The following ZNF765 variants were observed in gnomAD, a reference collection of about 807,000 sequenced individuals.
The protein encoded by ZNF765 is zinc finger protein 765.
A neutral mutation model predicts 44.7 loss-of-function variants in ZNF765; 37 were observed. The ratio of observed to expected loss-of-function variants is 0.83; its 90% CI spans 0.64 to 1.09. The LOEUF (loss-of-function observed/expected upper bound fraction) is 1.09. Ranked by LOEUF, ZNF765 falls within the 50% of genes least tolerant of loss-of-function variation. ZNF765 has a pLI of 0.00. For missense variants in ZNF765, 594 were observed against 626.1 expected (o/e 0.95, Z 0.55); for synonymous variants, 201 against 213.7 (o/e 0.94, Z 0.52).
rs199957795 is a variant in ZNF765, at chr19:53,407,929, G to A, written c.374G>A (p.Arg125Gln). Residue 125 changes from arginine to glutamine, a missense_variant, in exon 4 of 4, where the codon CGA becomes CAA. By Grantham distance (43) the Arg-to-Gln change is conservative. Around this residue, in one of 2 missense-constraint regions of ZNF765, gnomAD observed 567 missense variants for 572.6 expected, o/e 0.99. Transcript: ENST00000396408. ...KIKKLTGSTE[R>Q]YDQNYAGNKP... ...AAAAAGTTGACAGGTAGTACAGAGC[G>A]ATATGATCAAAATTATGCTGGAAAC... is the stretch of plus-strand genomic sequence containing the variant. 1,094 of 1,614,124 alleles carry A rather than the reference G, an allele frequency of 6.8e-4. 1 individual carries two copies. The highest frequency in any genetic ancestry group is 8.2e-4 in the Non-Finnish European group (971 of 1,180,016).
rs6509753 is a variant in ZNF765, at chr19:53,410,302, C to G, written c.*1175C>G. ...AGTTTACAGTCGCAAATCAAGCCTC[C>G]AAAGACAGGAGAATTCATACTGGAG... On this transcript the variant is annotated 3_prime_UTR_variant, in exon 4 of 4. Transcript: ENST00000396408. The G allele has an allele frequency of 0.83, 296,755 of 355,414 alleles. 124,721 individuals carry two copies. Among genetic ancestry groups the G allele is most frequent in the Admixed American group, 0.88 (21,622 of 24,596 alleles). 22.0% of individuals were successfully genotyped at this position (355,414 alleles called of 1,614,324 possible).
intron 2 of ZNF765, among the ~76,000 whole-genome samples, chr19:53,400,836 AT>A (rs1318476160): frequency 4.8e-5 from 7 of 146,502 alleles, no homozygotes; most frequent in African/African-American, 1.8e-4. Context: ...GTTTTCATAT[AT>A]TTTCTTTTGT....
At chr19:53,422,239 TG>T (rs1269849700) in intron 3 of ZNF765, among the ~76,000 whole-genome samples, 1 of 152,218 alleles carries the variant, frequency 6.6e-6, no homozygotes, top group Non-Finnish European at 1.5e-5. Flanking sequence ...CCCCGCTAAC[TG>T]GCTTTGACAG....
intron 3 of ZNF765, among the ~76,000 whole-genome samples, chr19:53,403,653 G>T (rs2085749041): frequency 6.6e-6 from 1 of 152,158 alleles, no homozygotes; most frequent in Non-Finnish European, 1.5e-5. Context: ...AAACCAGCCT[G>T]CCTAACATGG....
chr19:53,415,685 C>G (rs898032211), downstream of ZNF765, among the ~76,000 whole-genome samples: 1 of 152,170 alleles, frequency 6.6e-6, no homozygotes, highest in African/African-American at 2.4e-5. Flanking sequence ...TCTGTCTAGT[C>G]TCACCAGGCC....
intron 3 of ZNF765, among the ~76,000 whole-genome samples, chr19:53,418,262 G>A (rs931496023): frequency 5.9e-5 from 9 of 151,982 alleles, no homozygotes; most frequent in African/African-American, 2.2e-4. Context: ...TTAGCCGGGC[G>A]TGGTGGCGGG....
chr19:53,413,404 C>G, downstream of ZNF765: 1 of 502,838 alleles, frequency 2.0e-6, no homozygotes, highest in Non-Finnish European at 3.8e-6. Flanking sequence ...AATCATGTTA[C>G]CATATCAAGC....
chr19:53,397,490 C>G (rs372342627), intron 1 of ZNF765, among the ~76,000 whole-genome samples: 1 of 152,206 alleles, frequency 6.6e-6, no homozygotes, highest in African/African-American at 2.4e-5. Context: ...CCTCACACCT[C>G]AGCCTCCTAA....
intron 2 of ZNF765, among the ~76,000 whole-genome samples, chr19:53,401,709 C>A (rs1379813641): frequency 6.6e-6 from 1 of 152,124 alleles, no homozygotes; most frequent in Non-Finnish European, 1.5e-5. Context: ...AACCCCGTTT[C>A]TGCTAAAAAT....
At chr19:53,395,641 G>C (rs62117271) in intron 1 of ZNF765, among the ~76,000 whole-genome samples, 29,405 of 152,206 alleles carry the variant, frequency 0.19, 2,955 homozygotes, top group Middle Eastern at 0.27. Context: ...AAGGCGCCGT[G>C]GCGCCGCCGC....
In ZNF765 at chr19:53,402,211, T is replaced by TGGGG. The variant is rs2147091758; in HGVS notation, c.142+21_142+24dup. ...CCCTGGGTGAGGATGACTTCCCTCC[T>TGGGG]GGGGATGTGCCCTTGCGTATCTTTG... On this transcript the variant is annotated intron_variant, in intron 3 of 3. Transcript: ENST00000396408. 6.3e-7 allele frequency: 1 copy of TGGGG among 1,598,766 alleles called. No homozygotes were observed. Among genetic ancestry groups the TGGGG allele is most frequent in the East Asian group, 2.3e-5 (1 of 43,706 alleles).
chr19:53,407,056 G>A (rs550187716), intron 3 of ZNF765, among the ~76,000 whole-genome samples: 1 of 152,014 alleles, frequency 6.6e-6, no homozygotes, highest in Non-Finnish European at 1.5e-5. Context: ...TTGTCACCCA[G>A]GCTGAAGTAC....
In ZNF765 at chr19:53,410,042, A is replaced by C; in HGVS notation, c.*915A>C. 4.1e-6 allele frequency: 2 copies of C among 482,564 alleles called. No individual in the cohort carries two copies. Among genetic ancestry groups the C allele is most frequent in the South Asian group, 3.2e-5 (2 of 63,358 alleles). The allele number at this position is 482,564 out of a possible 1,614,324, so 29.9% of individuals were successfully genotyped here. A position where few individuals can be genotyped will look rare whatever the true frequency, so the allele number is the denominator to read the frequency against. ...AATAAATGCAGAAAATTTTTCAGAC[A>C]TCCTTCATACCTTTGCAGTTCATGG... On this transcript the variant is annotated 3_prime_UTR_variant, in exon 4 of 4. Coordinates refer to ENST00000396408, the MANE Select transcript of ZNF765 (RefSeq NM_001040185.3).
intron 3 of ZNF765, among the ~76,000 whole-genome samples, chr19:53,403,723 A>G (rs1050274388): frequency 2.0e-5 from 3 of 152,054 alleles, no homozygotes; most frequent in African/African-American, 7.2e-5. Context: ...GGCGCCTGTA[A>G]TCCTGCTACT....
chr19:53,414,458 CACACACACACACACACACACACACA>C (rs2085859064), downstream of ZNF765, among the ~76,000 whole-genome samples: 2 of 17,900 alleles, frequency 1.1e-4, no homozygotes, highest in Non-Finnish European at 2.9e-4. Flanking sequence ...CACACACACA[CACACACACACACACACACACACACA>C]CACACACCCC....
chr19:53,395,528 G>C (rs1427823388), intron 1 of ZNF765, among the ~76,000 whole-genome samples: 8 of 152,372 alleles, frequency 5.3e-5, no homozygotes, highest in Non-Finnish European at 8.8e-5. Flanking sequence ...GCGCCTCCCA[G>C]TCTCGCCCTC....
intron 2 of ZNF765, among the ~76,000 whole-genome samples, chr19:53,398,377 C>G (rs2085691267): frequency 2.0e-5 from 3 of 152,134 alleles, no homozygotes. Flanking sequence ...AGGATTAGAG[C>G]AACTGCCAAT....
At chr19:53,399,596 A>G (rs112253448) in intron 2 of ZNF765, among the ~76,000 whole-genome samples, 3,244 of 151,756 alleles carry the variant, frequency 0.021, 71 homozygotes, top group East Asian at 0.13. Flanking sequence ...CAGGAGAATC[A>G]CTTGAACCTG....
At chr19:53,422,398 C>T (rs151132639) in intron 3 of ZNF765, among the ~76,000 whole-genome samples, 3 of 151,992 alleles carry the variant, frequency 2.0e-5, no homozygotes, top group African/African-American at 4.8e-5. Flanking sequence ...CCTGGCTCAT[C>T]GATTATGAAG....
Sources: gnomAD v4.1 joint callset for allele counts (sites outside exome capture counted in the v4.1 genomes callset) on GRCh38, gnomAD v4.1.1 for gene constraint, gnomAD v4.1.1 regional missense constraint, MANE v1.5 for transcripts, NCBI Gene and HGNC (gene_info 2026-07-23, HGNC 2026-07-21) for gene names.